CSMD3: variants seen among roughly 807,000 people sequenced by gnomAD.
The protein encoded by CSMD3 is CUB and sushi domain-containing protein 3.
A neutral mutation model predicts 435.2 loss-of-function variants in CSMD3; 177 were observed. The ratio of observed to expected loss-of-function variants is 0.41; its 90% confidence interval spans 0.36 to 0.46. The LOEUF (loss-of-function observed/expected upper bound fraction) is 0.46, where lower values mean the gene tolerates loss of function less well. CSMD3 is among the 20% of genes least tolerant of loss of function. The pLI is 0.34. For synonymous variants in CSMD3, 1,656 were observed against 1,520.5 expected (o/e 1.09, Z -2.07); for missense variants, 4,265 against 4,504.6 (o/e 0.95, Z 1.52).
chr8:113,159,361 C>T (rs543963687), intron 4 of CSMD3, among the ~76,000 whole-genome samples: 18 of 151,968 alleles, frequency 1.2e-4, no homozygotes, highest in Non-Finnish European at 2.1e-4. Context: ...TACTTTCTGG[C>T]ACTTCCTGAC....
chr8:112,604,949 C>A (rs185365308), intron 22 of CSMD3, among the ~76,000 whole-genome samples: 1 of 151,802 alleles, frequency 6.6e-6, no homozygotes, highest in East Asian at 1.9e-4. Context: ...AAACAGACAA[C>A]CTTATTAAAA....
intron 10 of CSMD3, among the ~76,000 whole-genome samples, chr8:112,861,744 A>G (rs2080833012): frequency 6.6e-6 from 1 of 151,924 alleles, no homozygotes; most frequent in Non-Finnish European, 1.5e-5. Context: ...TAAGACCTTT[A>G]TAGAAATGAG....
chr8:113,274,991 T>C (rs2093558565), intron 3 of CSMD3, among the ~76,000 whole-genome samples: 1 of 152,154 alleles, frequency 6.6e-6, no homozygotes, highest in African/African-American at 2.4e-5. Context: ...AAAAAGCATA[T>C]TAACTCCATT....
chr8:113,024,129 C>A (rs1293614994), intron 5 of CSMD3, among the ~76,000 whole-genome samples: 1 of 152,050 alleles, frequency 6.6e-6, no homozygotes, highest in Non-Finnish European at 1.5e-5. Flanking sequence ...TTCTATGAGA[C>A]CATCGTTTTT....
intron 10 of CSMD3, among the ~76,000 whole-genome samples, chr8:112,919,625 A>G (rs938876611): frequency 4.6e-5 from 7 of 151,806 alleles, no homozygotes; most frequent in African/African-American, 1.4e-4. Flanking sequence ...AATTTATGTG[A>G]CATTGAAGTA....
At chr8:112,396,472 T>G (rs1362222719) in intron 35 of CSMD3, among the ~76,000 whole-genome samples, 1 of 152,180 alleles carries the variant, frequency 6.6e-6, no homozygotes, top group East Asian at 1.9e-4. Context: ...TTCCTGCAGA[T>G]GTCAGAAGAG....
At chr8:113,117,266 C>T (rs1483631503) in intron 4 of CSMD3, among the ~76,000 whole-genome samples, 1 of 152,210 alleles carries the variant, frequency 6.6e-6, no homozygotes, top group Non-Finnish European at 1.5e-5. Flanking sequence ...GCCCTGTGTC[C>T]CAGCCATGGC....
Position 113,030,668 on chromosome 8 carries a change from G to A in CSMD3, c.918-11489C>T, listed in dbSNP as rs375924303. Among the ~76,000 whole-genome samples the A allele has an allele frequency of 7.4e-4, 112 of 151,074 alleles. 3 individuals carry two copies. The highest frequency in any genetic ancestry group is 1.3e-3 in the Non-Finnish European group (91 of 67,590). On this transcript the variant is annotated intron_variant, in intron 5 of 70. Transcript: ENST00000297405. ...TTCATAAAAAATAATTAACAAATTG[G>A]ACATCATCAAAATTAAACACTTCTG... is the stretch of plus-strand genomic sequence containing the variant.
At chr8:112,681,545 T>C (rs1313069004) in intron 16 of CSMD3, among the ~76,000 whole-genome samples, 1 of 152,018 alleles carries the variant, frequency 6.6e-6, no homozygotes, top group Non-Finnish European at 1.5e-5. Context: ...CTTACCAACA[T>C]AATCTGAGAT....
At chr8:112,803,955 G>A (rs1411039883) in intron 12 of CSMD3, among the ~76,000 whole-genome samples, 1 of 152,166 alleles carries the variant, frequency 6.6e-6, no homozygotes, top group East Asian at 1.9e-4. Context: ...ATCACCCATT[G>A]AACCAAGAGG....
chr8:112,393,364 C>A (rs192698481), intron 35 of CSMD3, among the ~76,000 whole-genome samples: 4 of 152,154 alleles, frequency 2.6e-5, no homozygotes. Flanking sequence ...CTAACACCTA[C>A]CCATCTATGG....
chr8:113,213,367 C>T (rs2092862520), intron 3 of CSMD3, among the ~76,000 whole-genome samples: 1 of 152,098 alleles, frequency 6.6e-6, no homozygotes, highest in Non-Finnish European at 1.5e-5. Context: ...GGCAGAAAAT[C>T]AGGAATCATG....
intron 38 of CSMD3, among the ~76,000 whole-genome samples, chr8:112,370,005 G>GGAA (rs1234639808): frequency 1.2e-4 from 8 of 64,034 alleles, no homozygotes; most frequent in African/African-American, 4.1e-4. Context: ...AAGAAGAAGA[G>GGAA]GAAGAGGAAG....
intron 16 of CSMD3, among the ~76,000 whole-genome samples, chr8:112,670,106 C>T (rs977301605): frequency 1.3e-5 from 2 of 152,022 alleles, no homozygotes; most frequent in East Asian, 3.9e-4. Flanking sequence ...ATAAATGTTT[C>T]ATAGAAGAGA....
Position 112,638,658 on chromosome 8 carries a change from AG to A in CSMD3, c.3526+37del, listed in dbSNP as rs771135035. The stretch of plus-strand genomic sequence containing the variant: ...TATCTTGAAAAATTGCTTTTTTAAA[AG>A]TTACTGAATGAGCCCTTTTGTTTTT... On this transcript the variant is annotated intron_variant, in intron 21 of 70. Coordinates refer to ENST00000297405, the MANE Select transcript of CSMD3 (RefSeq NM_198123.2). 8.6e-6 allele frequency: 11 copies of A among 1,277,136 alleles called. No individual in the cohort carries two copies. The East Asian group carries it at 2.3e-4, about 27-fold the overall frequency. 79.1% of individuals were successfully genotyped at this position (1,277,136 alleles called of 1,614,324 possible). A position where few individuals can be genotyped will look rare whatever the true frequency, so the allele number is the denominator to read the frequency against.
At chr8:112,333,140 A>G (rs1824220804) in intron 45 of CSMD3, among the ~76,000 whole-genome samples, 1 of 152,098 alleles carries the variant, frequency 6.6e-6, no homozygotes, top group Non-Finnish European at 1.5e-5. Flanking sequence ...TTAAATGAAT[A>G]TCTGATCTGT....
At chr8:112,415,339 A>G (rs181853902) in intron 32 of CSMD3, among the ~76,000 whole-genome samples, 58 of 152,362 alleles carry the variant, frequency 3.8e-4, no homozygotes, top group African/African-American at 1.4e-3. Context: ...AAGCCTTGGC[A>G]GCTTTCACAC....
chr8:112,478,626 G>A (rs575163574), intron 31 of CSMD3, among the ~76,000 whole-genome samples: 1 of 152,216 alleles, frequency 6.6e-6, no homozygotes, highest in Non-Finnish European at 1.5e-5. Context: ...TCAAGAGGTG[G>A]CCTGGCTACT....
chr8:112,682,210 C>A (rs1046459235), intron 16 of CSMD3, among the ~76,000 whole-genome samples: 6 of 151,928 alleles, frequency 3.9e-5, no homozygotes, highest in East Asian at 3.9e-4. Flanking sequence ...TAATCTTTAT[C>A]TTTTAATAAG....
Sources: allele counts gnomAD v4.1 joint callset (sites outside exome capture counted in the v4.1 genomes callset), GRCh38; gene constraint gnomAD v4.1.1; transcripts MANE v1.5; gene names NCBI Gene and HGNC (gene_info 2026-07-23, HGNC 2026-07-21).